Variants in FIG4 observed in about 807,000 individuals in gnomAD.
The protein encoded by FIG4 is FIG4 phosphoinositide 5-phosphatase.
FIG4 carries 112 observed loss-of-function variants against 118.6 expected under a neutral mutation model. That is an observed-to-expected ratio of 0.94 (90% CI 0.81 to 1.11). The LOEUF is 1.11. Among genes scored for constraint, FIG4 ranks in the 50% least tolerant of loss-of-function variants. The pLI is 0.00. For missense variants in FIG4, 969 were observed against 1,111.7 expected (o/e 0.87, Z 1.83); for synonymous variants, 369 against 381.2 (o/e 0.97, Z 0.37).
chr6:109,801,273 C>T (rs778766519), intron 22 of FIG4, among the ~76,000 whole-genome samples: 2 of 152,114 alleles, frequency 1.3e-5, no homozygotes, highest in African/African-American at 2.4e-5. Flanking sequence ...CTTGGCCAGG[C>T]GTGGTGGCTC....
chr6:109,784,938 G>T, intron 16 of FIG4, 32 bp from the exon 17 acceptor site: 2 of 1,220,412 alleles, frequency 1.6e-6, no homozygotes, highest in Non-Finnish European at 2.4e-6. Context: ...TTTACATTTG[G>T]TTCATCTTTT....
intron 10 of FIG4, among the ~76,000 whole-genome samples, chr6:109,752,050 C>T (rs1280817548): frequency 7.2e-6 from 1 of 138,938 alleles, no homozygotes; most frequent in African/African-American, 2.7e-5. Flanking sequence ...CATGTGTTCT[C>T]ATTGTTCAGT....
intron 10 of FIG4, among the ~76,000 whole-genome samples, chr6:109,745,801 C>T (rs768202096): frequency 2.2e-4 from 34 of 151,836 alleles, no homozygotes; most frequent in Non-Finnish European, 4.6e-4. Context: ...TAATTCATCT[C>T]GAGTTAATTT....
At chr6:109,741,294 G>A in intron 7 of FIG4, 150 bp from the exon 8 acceptor site, 1 of 732,614 alleles carries the variant, frequency 1.4e-6, no homozygotes, top group Non-Finnish European at 2.5e-6. Flanking sequence ...AGAACCATTA[G>A]ATCAAGTGCT....
intron 6 of FIG4, among the ~76,000 whole-genome samples, chr6:109,736,500 T>TA (rs1280651966): frequency 1.3e-5 from 2 of 152,056 alleles, no homozygotes; most frequent in Non-Finnish European, 2.9e-5. Context: ...TAGAGACAGA[T>TA]AGAGGGCAAG....
chr6:109,778,470 CAAA>C (rs111576515), intron 16 of FIG4, among the ~76,000 whole-genome samples: 1 of 143,036 alleles, frequency 7.0e-6, no homozygotes, highest in African/African-American at 2.6e-5. Context: ...ACCTCTGTCT[CAAA>C]AAAAAAAAAA....
At chr6:109,722,620 A>G (rs1775645515) in intron 3 of FIG4, among the ~76,000 whole-genome samples, 1 of 151,918 alleles carries the variant, frequency 6.6e-6, no homozygotes, top group Non-Finnish European at 1.5e-5. Context: ...TTATATATAT[A>G]TATATATTTT....
chr6:109,720,109 AAAGT>A, intron 3 of FIG4, among the ~76,000 whole-genome samples: 1 of 152,360 alleles, frequency 6.6e-6, no homozygotes, highest in East Asian at 1.9e-4. Context: ...ACCTGCAAGT[AAAGT>A]AAGACAATAA....
At chr6:109,794,412 G>GGGGCT (rs1227316496) in intron 21 of FIG4, among the ~76,000 whole-genome samples, 2 of 152,166 alleles carry the variant, frequency 1.3e-5, no homozygotes, top group African/African-American at 4.8e-5. Flanking sequence ...GGGGAGAAAC[G>GGGGCT]GGGCTGATCA....
intron 15 of FIG4, among the ~76,000 whole-genome samples, chr6:109,768,339 G>A (rs1346766848): frequency 6.6e-6 from 1 of 152,068 alleles, no homozygotes; most frequent in East Asian, 1.9e-4. Context: ...AGCTTCAGAA[G>A]CATCTGGGAA....
chr6:109,753,396 T>C (rs1776774475), intron 10 of FIG4, among the ~76,000 whole-genome samples: 1 of 151,818 alleles, frequency 6.6e-6, no homozygotes, highest in Non-Finnish European at 1.5e-5. Context: ...AGCTTTGTTC[T>C]TTTGGCTTAG....
At chr6:109,805,816 T>G (rs1778549957) in intron 22 of FIG4, among the ~76,000 whole-genome samples, 1 of 152,214 alleles carries the variant, frequency 6.6e-6, no homozygotes, top group South Asian at 2.1e-4. Context: ...CTTTTAGGTT[T>G]ATTTCAAAAT....
At position 109,725,052 on chromosome 6, in the gene FIG4, G is replaced by A. The variant is rs149463555; in HGVS notation, c.290-2057G>A. On this transcript the variant is annotated intron_variant, in intron 3 of 22. Transcript: ENST00000230124. ...AAGGCACCTCAGTCCTATTTGCAGT[G>A]AGACTAAGAGGAATGAATGAATTAA... Among the ~76,000 whole-genome samples the A allele has an allele frequency of 2.9e-3, 437 of 152,188 alleles. 1 individual carries two copies. Among genetic ancestry groups the A allele is most frequent in the Middle Eastern group, 0.014 (4 of 294 alleles).
chr6:109,735,398 T>G lies in FIG4; in HGVS notation c.646+100T>G, dbSNP rs1443322439. The G allele has an allele frequency of 5.1e-6, 6 of 1,166,250 alleles. No individual in the cohort carries two copies. The African/African-American group carries it at 9.1e-5, about 18-fold the overall frequency. The allele number at this position is 1,166,250 out of a possible 1,614,324, so 72.2% of individuals were successfully genotyped here. On this transcript the variant is annotated intron_variant, in intron 6 of 22. Transcript: ENST00000230124. ...TTTCCCTCATATTTGTCCATCCCTC[T>G]TTGCTGTTTGTCCTTACGTGGGGTT...
chr6:109,762,401 T>C (rs1777139625), intron 12 of FIG4, among the ~76,000 whole-genome samples, 194 bp downstream of exon 12: 1 of 151,932 alleles, frequency 6.6e-6, no homozygotes, highest in African/African-American at 2.4e-5. Flanking sequence ...TACCTTGAGA[T>C]GTAAGCCATG....
chr6:109,701,602 T>A (rs1257390118), intron 1 of FIG4: 1 of 433,382 alleles, frequency 2.3e-6, no homozygotes, highest in Non-Finnish European at 4.8e-6. Flanking sequence ...ATTTTTACTC[T>A]TACTTGTTCA....
intron 3 of FIG4, among the ~76,000 whole-genome samples, chr6:109,726,880 G>A (rs1775835917): frequency 6.6e-6 from 1 of 152,082 alleles, no homozygotes; most frequent in Admixed American, 6.6e-5. Flanking sequence ...TTGTGAATGG[G>A]AGATCACTCA....
intron 22 of FIG4, among the ~76,000 whole-genome samples, chr6:109,820,139 C>G (rs1165505508): frequency 1.3e-5 from 2 of 152,172 alleles, no homozygotes; most frequent in Admixed American, 6.5e-5. Flanking sequence ...AGAAAAAAAC[C>G]AGCCCTGAGT....
intron 1 of FIG4, among the ~76,000 whole-genome samples, chr6:109,708,735 T>G (rs1279776654): frequency 6.6e-6 from 1 of 152,244 alleles, no homozygotes; most frequent in East Asian, 1.9e-4. Context: ...CAGAGCTTTT[T>G]TTTCATATGA....
Sources: gnomAD v4.1 joint callset for allele counts (sites outside exome capture counted in the v4.1 genomes callset) on GRCh38, gnomAD v4.1.1 for gene constraint, MANE v1.5 for transcripts, NCBI Gene and HGNC (gene_info 2026-07-23, HGNC 2026-07-21) for gene names.